Variants in KIAA0513 observed in about 807,000 individuals in gnomAD.
KIAA0513 encodes KIAA0513.
In KIAA0513, 39 loss-of-function variants were observed where a neutral mutation model predicts 56.5. That is an observed-to-expected ratio of 0.69 (90% CI 0.53 to 0.90). The LOEUF is 0.90. Among genes scored for constraint, KIAA0513 ranks in the 40% least tolerant of loss-of-function variants. KIAA0513 has a pLI of 0.00. For synonymous variants in KIAA0513, 268 were observed against 215.6 expected, an observed-to-expected ratio of 1.24 and a Z score of -2.13; for missense variants, 591 against 535.2, an observed-to-expected ratio of 1.10 and a Z score of -1.03.
At chr16:85,037,481 A>G (rs866355086) in intron 1 of KIAA0513, among the ~76,000 whole-genome samples, 21 of 152,312 alleles carry the variant, frequency 1.4e-4, no homozygotes, top group Admixed American at 1.0e-3. Flanking sequence ...AGAATGCAAT[A>G]AAAGAATGAG....
At chr16:85,042,146 T>G (rs1458981983) in intron 1 of KIAA0513, among the ~76,000 whole-genome samples, 10 of 152,232 alleles carry the variant, frequency 6.6e-5, no homozygotes, top group African/African-American at 2.4e-4. Flanking sequence ...AACATTCAAC[T>G]CTTTTCTTTT....
intron 1 of KIAA0513, among the ~76,000 whole-genome samples, chr16:85,035,679 T>C (rs1311793180): frequency 6.6e-6 from 1 of 152,066 alleles, no homozygotes; most frequent in East Asian, 1.9e-4. Context: ...TTTTTATTTC[T>C]AGTAGAAATG....
At chr16:85,069,989 A>AC (rs2073547855) in intron 2 of KIAA0513, among the ~76,000 whole-genome samples, 1 of 142,644 alleles carries the variant, frequency 7.0e-6, no homozygotes. Context: ...ACATAGTGAA[A>AC]CCCCCTCTCT....
intron 1 of KIAA0513, chr16:85,063,241 G>C (rs1446948914): frequency 6.6e-6 from 1 of 152,210 alleles, no homozygotes; most frequent in East Asian, 1.9e-4. Context: ...ATCAGAAATA[G>C]CCACGATCGT....
At chr16:85,030,207 A>G (rs951955171) in intron 1 of KIAA0513, among the ~76,000 whole-genome samples, 19 of 152,176 alleles carry the variant, frequency 1.2e-4, no homozygotes, top group Admixed American at 2.0e-4. Flanking sequence ...AGTAGGAAGT[A>G]TGATTGCAAA....
At chr16:85,047,181 G>T (rs1357550990) in intron 1 of KIAA0513, among the ~76,000 whole-genome samples, 11 of 152,194 alleles carry the variant, frequency 7.2e-5, no homozygotes, top group Non-Finnish European at 1.2e-4. Flanking sequence ...CCACTCTTCA[G>T]ATCTGTCCAC....
intron 9 of KIAA0513, among the ~76,000 whole-genome samples, 182 bp from the exon 10 acceptor site, chr16:85,082,382 C>T (rs747558900): frequency 3.3e-5 from 5 of 152,074 alleles, no homozygotes; most frequent in Non-Finnish European, 7.3e-5. Flanking sequence ...GGCAGAGGGG[C>T]GTTGCCTCTT....
At chr16:85,060,769 A>G (rs1308026882) in intron 1 of KIAA0513, among the ~76,000 whole-genome samples, 3 of 151,792 alleles carry the variant, frequency 2.0e-5, no homozygotes, top group African/African-American at 7.3e-5. Context: ...ACTTGAGCAC[A>G]GGAGGTCAAG....
chr16:85,033,824 G>A (rs1337448752), intron 1 of KIAA0513, among the ~76,000 whole-genome samples: 2 of 152,134 alleles, frequency 1.3e-5, no homozygotes, highest in Non-Finnish European at 2.9e-5. Flanking sequence ...ATGTGCAGAT[G>A]GTACCAAATT....
At chr16:85,066,284 C>T (rs1379316042) in intron 1 of KIAA0513, among the ~76,000 whole-genome samples, 1 of 152,126 alleles carries the variant, frequency 6.6e-6, no homozygotes, top group African/African-American at 2.4e-5. Flanking sequence ...GAGGGCTGCC[C>T]AGGCTGAGGA....
chr16:85,077,376 C>T (rs374093910), intron 5 of KIAA0513, 49 bp from the exon 6 acceptor site: 41 of 1,568,100 alleles, frequency 2.6e-5, no homozygotes, highest in Middle Eastern at 1.7e-4. Context: ...AGTTAGCAGG[C>T]GCATACCCCA....
chr16:85,059,653 T>A (rs72658737), intron 1 of KIAA0513, among the ~76,000 whole-genome samples: 12,822 of 152,238 alleles, frequency 0.084, 1,744 homozygotes, highest in African/African-American at 0.28. Flanking sequence ...GAAGTTGTTC[T>A]GAATGAAATG....
chr16:85,058,928 A>G (rs937930389), intron 1 of KIAA0513, among the ~76,000 whole-genome samples: 1 of 152,132 alleles, frequency 6.6e-6, no homozygotes, highest in Non-Finnish European at 1.5e-5. Context: ...ACTCAACTAA[A>G]TCTACTGCCC....
chr16:85,049,559 C>T (rs767731720), intron 1 of KIAA0513, among the ~76,000 whole-genome samples: 1 of 152,182 alleles, frequency 6.6e-6, no homozygotes, highest in Non-Finnish European at 1.5e-5. Context: ...AGCGAGTTCT[C>T]ATGAGATCTG....
chr16:85,057,337 ACTGACAGT>A (rs1200588926), intron 1 of KIAA0513, among the ~76,000 whole-genome samples: 4 of 152,198 alleles, frequency 2.6e-5, no homozygotes, highest in African/African-American at 9.6e-5. Flanking sequence ...AGGGCATTTT[ACTGACAGT>A]CTTCCTTAAA....
intron 7 of KIAA0513, 98 bp downstream of exon 7, chr16:85,078,553 G>A (rs1027649076): frequency 7.6e-6 from 9 of 1,176,612 alleles, no homozygotes; most frequent in Middle Eastern, 2.2e-4. Flanking sequence ...CTGCCTCCAC[G>A]GAGCATGGGC....
chr16:85,064,982 G>T (rs2073458010), intron 1 of KIAA0513, among the ~76,000 whole-genome samples: 1 of 152,230 alleles, frequency 6.6e-6, no homozygotes, highest in Admixed American at 6.5e-5. Context: ...ACCGCGCCCG[G>T]CCTATAATTG....
intron 1 of KIAA0513, among the ~76,000 whole-genome samples, chr16:85,053,579 A>C (rs2073285112): frequency 1.3e-5 from 2 of 152,202 alleles, no homozygotes; most frequent in Non-Finnish European, 2.9e-5. Context: ...ATGTTTTATC[A>C]AACTTAACAA....
chr16:85,055,063 C>T lies in KIAA0513; in HGVS notation c.-172-11837C>T, dbSNP rs139782491. On this transcript the variant is annotated intron_variant, in intron 1 of 12. Transcript: ENST00000683363. ...TCAGCCTCCCGAGTAGCTGGGACTA[C>T]AGGTGTGTGGCACCACGCCCAGCTA... Among the ~76,000 whole-genome samples the T allele has an allele frequency of 4.1e-3, 620 of 152,218 alleles. 7 individuals are homozygous for T. The highest frequency in any genetic ancestry group is 0.013 in the African/African-American group (559 of 41,540).
Sources: allele counts gnomAD v4.1 joint callset (sites outside exome capture counted in the v4.1 genomes callset), GRCh38; gene constraint gnomAD v4.1.1; transcripts MANE v1.5; gene names NCBI Gene and HGNC (gene_info 2026-07-23, HGNC 2026-07-21).